The following GATA3 variants were observed in gnomAD, a reference collection of about 807,000 sequenced individuals.
The protein encoded by GATA3 is trans-acting T-cell-specific transcription factor GATA-3.
Under a neutral mutation model 36.0 loss-of-function variants are expected in GATA3, and 6 were observed. The ratio of observed to expected loss-of-function variants is 0.17; its 90% CI spans 0.09 to 0.33. The LOEUF (loss-of-function observed/expected upper bound fraction) is 0.33. Among genes scored for constraint, GATA3 ranks in the 10% least tolerant of loss-of-function variants. The pLI is 1.00. For missense variants in GATA3, 514 were observed against 610.1 expected (o/e 0.84, Z 1.66); for synonymous variants, 326 against 273.0 (o/e 1.19, Z -1.92).
intron 3 of GATA3, among the ~76,000 whole-genome samples, chr10:8,062,934 A>T (rs1832773913): frequency 6.6e-6 from 1 of 152,156 alleles, no homozygotes; most frequent in African/African-American, 2.4e-5. Flanking sequence ...AGTTGAAATC[A>T]GTTAGCCAAC....
chr10:8,068,826 G>T (rs778051264), intron 4 of GATA3, among the ~76,000 whole-genome samples: 1 of 152,220 alleles, frequency 6.6e-6, no homozygotes. Context: ...CCTACTTGGC[G>T]CTTCCTCAGG....
upstream of GATA3, among the ~76,000 whole-genome samples, chr10:8,048,966 G>C (rs1360696878): frequency 1.3e-5 from 2 of 151,562 alleles, no homozygotes; most frequent in African/African-American, 4.9e-5. Context: ...GAGTGCGGGG[G>C]CGGGGGGAAT....
At chr10:8,058,069 A>C (rs750336939) in intron 2 of GATA3, among the ~76,000 whole-genome samples, 1 of 152,142 alleles carries the variant, frequency 6.6e-6, no homozygotes, top group Admixed American at 6.5e-5. Flanking sequence ...ATTCTGCTAC[A>C]TTTGATGGGA....
At chr10:8,068,758 G>A (rs558109098) in intron 4 of GATA3, among the ~76,000 whole-genome samples, 5 of 152,178 alleles carry the variant, frequency 3.3e-5, no homozygotes, top group Non-Finnish European at 7.4e-5. Flanking sequence ...ATCTCAAAAC[G>A]AGAAAAAAAG....
At position 8,055,376 on chromosome 10, in the gene GATA3, T is replaced by G; in HGVS notation, c.-280T>G. 1 of 527,400 alleles carries G rather than the reference T, an allele frequency of 1.9e-6. No individual in the cohort carries two copies. The highest frequency in any genetic ancestry group is 3.3e-5 in the East Asian group (1 of 29,868). The allele number at this position is 527,400 out of a possible 1,614,324, so 32.7% of individuals were successfully genotyped here. Reference sequence around the variant, plus strand: ...CAGAATTGCAGAGTCGTCGCCCCTTTTTACAACCTGGTCCCGTTTTATTCT... The same window carrying G: ...CAGAATTGCAGAGTCGTCGCCCCTTGTTACAACCTGGTCCCGTTTTATTCT... On this transcript the variant is annotated 5_prime_UTR_variant, in exon 2 of 6. Transcript: ENST00000379328. This position sits in a 1 kb window ranked among gnomAD's most constrained non-coding sequence, Gnocchi z 5.4.
At position 8,070,330 on chromosome 10, in the gene GATA3, T is replaced by C. The variant is rs544601267; in HGVS notation, c.1050+732T>C. Among the ~76,000 whole-genome samples the C allele has an allele frequency of 1.1e-4, 17 of 152,290 alleles. No individual in the cohort carries two copies. In the East Asian group the frequency reaches 3.1e-3, roughly 28 times the overall value. Reference sequence around the variant, plus strand: ...GTTGTGTCATTTCTGATCTTTCCATTTGGGGTCCTCTCATTTTGTAACATA... The same window carrying C: ...GTTGTGTCATTTCTGATCTTTCCATCTGGGGTCCTCTCATTTTGTAACATA... On this transcript the variant is annotated intron_variant, in intron 5 of 5. Transcript: ENST00000379328.
intron 3 of GATA3, among the ~76,000 whole-genome samples, chr10:8,060,838 T>C (rs758538884): frequency 2.6e-5 from 4 of 152,146 alleles, no homozygotes; most frequent in Non-Finnish European, 4.4e-5. Context: ...CGATTTTGGT[T>C]TTTTTGGCGA....
intron 5 of GATA3, among the ~76,000 whole-genome samples, chr10:8,070,110 T>C (rs1454315031): frequency 2.0e-5 from 3 of 152,222 alleles, no homozygotes; most frequent in African/African-American, 4.8e-5. Flanking sequence ...GGATCCTCTG[T>C]ATAAAAGACA....
intron 4 of GATA3, among the ~76,000 whole-genome samples, chr10:8,066,017 A>G (rs1832836016): frequency 6.6e-6 from 1 of 151,322 alleles, no homozygotes; most frequent in African/African-American, 2.4e-5. Flanking sequence ...AACAACAAAC[A>G]AAAACCTTCT....
intron 1 of GATA3, among the ~76,000 whole-genome samples, chr10:8,047,936 T>C (rs972555212): frequency 1.3e-5 from 2 of 151,900 alleles, no homozygotes; most frequent in Non-Finnish European, 2.9e-5. Context: ...AGGTGGTCTC[T>C]AGCATGTCCA....
upstream of GATA3, among the ~76,000 whole-genome samples, chr10:8,048,953 G>A (rs1832426682): frequency 6.6e-6 from 1 of 151,754 alleles, no homozygotes; most frequent in African/African-American, 2.4e-5. Context: ...CGGGCTGGGG[G>A]CGGAGTGCGG....
intron 3 of GATA3, among the ~76,000 whole-genome samples, chr10:8,060,164 T>A (rs887250868): frequency 1.3e-5 from 2 of 152,216 alleles, no homozygotes; most frequent in Admixed American, 1.3e-4. Context: ...TTAGTTGATA[T>A]GTTTTAGCTA....
rs763545775 is a variant in GATA3 at position 8,058,830 on chromosome 10, G to A, written c.767G>A (p.Arg256Gln). 2 of 1,603,760 alleles carry A rather than the reference G, an allele frequency of 1.2e-6. No individual in the cohort carries two copies. Among genetic ancestry groups the A allele is most frequent in the African/African-American group, 1.3e-5 (1 of 75,028 alleles). Residue 256 changes from arginine to glutamine, a missense_variant, in exon 3 of 6, where the codon CGG (arginine) becomes CAG (glutamine). Transcript: ENST00000379328. ...GFGCKSRPKA[R>Q]SSTEGRECVN... ...GGATGCAAGTCCAGGCCCAAGGCCC[G>A]GTCCAGCACAGGTAGGAGCCAGCTC...
At position 8,055,142 on chromosome 10, in the gene GATA3, C is replaced by G; in HGVS notation, c.-369-145C>G. ...CGCGAGCCGGGCTGCAGGGACGTCCCCGAGAGCCCTGCGGGCTCCGCGGCC... is the reference window on the plus strand; with the variant it reads ...CGCGAGCCGGGCTGCAGGGACGTCCGCGAGAGCCCTGCGGGCTCCGCGGCC... On this transcript the variant is annotated intron_variant, in intron 1 of 5. Transcript: ENST00000379328. The surrounding 1 kb of genome is among the most constrained non-coding windows in gnomAD (Gnocchi z 5.4). 1 of 215,500 alleles carries G rather than the reference C, an allele frequency of 4.6e-6. No individual in the cohort carries two copies. The highest frequency in any genetic ancestry group is 7.5e-5 in the East Asian group (1 of 13,346). The allele number at this position is 215,500 out of a possible 1,614,324, so 13.3% of individuals were successfully genotyped here. A position where few individuals can be genotyped will look rare whatever the true frequency, so the allele number is the denominator to read the frequency against.
At chr10:8,059,486 G>A (rs1039556709) in intron 3 of GATA3, among the ~76,000 whole-genome samples, 6 of 152,198 alleles carry the variant, frequency 3.9e-5, no homozygotes, top group Admixed American at 2.6e-4. Flanking sequence ...ATCAAATGTC[G>A]CCTGGCCCAG....
In GATA3 at chr10:8,055,474, A is replaced by T. The variant is rs932631467; in HGVS notation, c.-182A>T. ...AAACGACCCCTCCAAGATAATTTTT[A>T]AAAAACCTTCTCCTTTGCTCACCTT... On this transcript the variant is annotated 5_prime_UTR_variant, in exon 2 of 6. Transcript: ENST00000379328. This position sits in a 1 kb window ranked among gnomAD's most constrained non-coding sequence, Gnocchi z 5.4. 8.4e-5 allele frequency: 58 copies of T among 693,536 alleles called. No individual in the cohort carries two copies. Among genetic ancestry groups the T allele is most frequent in the South Asian group, 5.0e-4 (26 of 52,406 alleles). The allele number at this position is 693,536 out of a possible 1,614,324, so 43.0% of individuals were successfully genotyped here.
In GATA3 at chr10:8,075,079, G is replaced by C; in HGVS notation, c.*1056G>C. On this transcript the variant is annotated 3_prime_UTR_variant, in exon 6 of 6. Coordinates refer to ENST00000379328, the MANE Select transcript of GATA3 (RefSeq NM_001002295.2). Reference sequence around the variant, plus strand: ...ACCCTGGCCCGACAGGCCACGTCCTGCAATCGGCCCGGCTGCCTCTTCGCC... The same window carrying C: ...ACCCTGGCCCGACAGGCCACGTCCTCCAATCGGCCCGGCTGCCTCTTCGCC... 4.3e-6 allele frequency: 1 copy of C among 233,186 alleles called. No individual in the cohort carries two copies. The highest frequency in any genetic ancestry group is 8.5e-6 in the Non-Finnish European group (1 of 117,976). 14.4% of individuals were successfully genotyped at this position (233,186 alleles called of 1,614,324 possible). A position where few individuals can be genotyped will look rare whatever the true frequency, so the allele number is the denominator to read the frequency against.
Position 8,060,389 on chromosome 10 carries a change from G to C in GATA3, c.778+1548G>C, listed in dbSNP as rs188847080. 8.3e-4 allele frequency among the ~76,000 whole-genome samples: 126 copies of C among 152,322 alleles called. 1 individual carries two copies. The East Asian group carries it at 0.022, about 26-fold the overall frequency. ...AGAGCTGGAGGCACAAAGTGGCCAC[G>C]GTGCCTGGCAGGGGCTGGGCTTGGG... On this transcript the variant is annotated intron_variant, in intron 3 of 5. Coordinates refer to ENST00000379328, the MANE Select transcript of GATA3 (RefSeq NM_001002295.2).
intron 4 of GATA3, among the ~76,000 whole-genome samples, chr10:8,066,571 A>G (rs2131506539): frequency 6.6e-6 from 1 of 151,382 alleles, no homozygotes; most frequent in Middle Eastern, 3.4e-3. Context: ...TGTTTGATAC[A>G]TTTGCAGATT....
Sources: gnomAD v4.1 joint callset for allele counts (sites outside exome capture counted in the v4.1 genomes callset) on GRCh38, gnomAD v4.1.1 for gene constraint, Gnocchi (gnomAD v3.1) non-coding constraint, MANE v1.5 for transcripts, NCBI Gene and HGNC (gene_info 2026-07-23, HGNC 2026-07-21) for gene names.